The following STK3 variants were observed in gnomAD, a reference collection of about 807,000 sequenced individuals.
The protein encoded by STK3 is serine/threonine-protein kinase 3.
Under a neutral mutation model 58.0 loss-of-function variants are expected in STK3, and 41 were observed. That is an observed-to-expected ratio of 0.71 (90% CI 0.55 to 0.92). The LOEUF is 0.92. STK3 is among the 40% of genes least tolerant of loss of function. The probability of loss-of-function intolerance (pLI) is 0.00; values close to 1 mark genes in which losing one functional copy is unlikely to be tolerated. For synonymous variants in STK3, 170 were observed against 191.0 expected (o/e 0.89, Z 0.91); for missense variants, 479 against 602.7 (o/e 0.79, Z 2.15).
chr8:98,490,400 G>A (rs1227088627), intron 10 of STK3, among the ~76,000 whole-genome samples: 2 of 152,034 alleles, frequency 1.3e-5, no homozygotes, highest in Admixed American at 1.3e-4. Context: ...TATTGCATTA[G>A]ACAAAACTTT....
intron 9 of STK3, among the ~76,000 whole-genome samples, chr8:98,528,106 T>C (rs76790012): frequency 3.9e-5 from 6 of 152,184 alleles, no homozygotes; most frequent in Admixed American, 2.0e-4. Flanking sequence ...TCTCTACTTA[T>C]CATTGCAACT....
intron 4 of STK3, among the ~76,000 whole-genome samples, chr8:98,712,199 G>A (rs1269309273): frequency 1.3e-5 from 2 of 152,230 alleles, no homozygotes; most frequent in East Asian, 3.9e-4. Flanking sequence ...GTAAGACCAT[G>A]AATGCTAGGA....
chr8:98,737,764 G>C (rs1474253119), intron 4 of STK3, among the ~76,000 whole-genome samples: 1 of 152,022 alleles, frequency 6.6e-6, no homozygotes, highest in East Asian at 1.9e-4. Context: ...CTAGACTGCA[G>C]TGGCGCAATC....
At chr8:98,511,727 GAGA>G (rs1824531282) in intron 10 of STK3, among the ~76,000 whole-genome samples, 1 of 152,080 alleles carries the variant, frequency 6.6e-6, no homozygotes, top group Non-Finnish European at 1.5e-5. Flanking sequence ...AACCTGAAGA[GAGA>G]AGCTCAAGTG....
At chr8:98,411,901 C>T (rs1818061697) in intron 3 of STK3, among the ~76,000 whole-genome samples, 1 of 152,186 alleles carries the variant, frequency 6.6e-6, no homozygotes, top group African/African-American at 2.4e-5. Flanking sequence ...CACCCCACTG[C>T]CCTAGTTTAA....
At chr8:98,744,138 G>A (rs1175133843) in intron 4 of STK3, among the ~76,000 whole-genome samples, 4 of 152,200 alleles carry the variant, frequency 2.6e-5, no homozygotes, top group Non-Finnish European at 5.9e-5. Context: ...TGATGGGAAT[G>A]TAAACTAGTT....
intron 3 of STK3, among the ~76,000 whole-genome samples, chr8:98,855,740 A>G (rs1476460381): frequency 6.6e-6 from 1 of 152,188 alleles, no homozygotes; most frequent in Non-Finnish European, 1.5e-5. Flanking sequence ...GGCTGGGCAC[A>G]GTGACTCACA....
chr8:98,733,254 TC>T (rs1257749948), intron 4 of STK3, among the ~76,000 whole-genome samples: 1 of 152,180 alleles, frequency 6.6e-6, no homozygotes. Context: ...ATTCAATAAC[TC>T]CTATTCTTTC....
At chr8:98,852,154 T>G (rs78106430) in intron 3 of STK3, among the ~76,000 whole-genome samples, 2 of 151,950 alleles carry the variant, frequency 1.3e-5, no homozygotes, top group Non-Finnish European at 2.9e-5. Flanking sequence ...TTTTTTTTTT[T>G]GTAACAGAGT....
chr8:98,642,718 T>C (rs1399516161), intron 6 of STK3, among the ~76,000 whole-genome samples: 1 of 152,224 alleles, frequency 6.6e-6, no homozygotes. Context: ...TAGATAAATA[T>C]GTAAACTGAT....
chr8:98,392,068 C>T (rs1460569239), upstream of STK3, among the ~76,000 whole-genome samples: 1 of 152,102 alleles, frequency 6.6e-6, no homozygotes, highest in Non-Finnish European at 1.5e-5. Context: ...CCTCTTATCC[C>T]CCAAGAACTA....
At position 98,629,344 on chromosome 8, in the gene STK3, C is replaced by G. The variant is rs181314388; in HGVS notation, c.685-33175G>C. 3.0e-4 allele frequency among the ~76,000 whole-genome samples: 46 copies of G among 152,222 alleles called. No individual in the cohort carries two copies. The East Asian group carries it at 8.9e-3, about 29-fold the overall frequency. ...ATACATGGAACCCTAGTACAGAAAC[C>G]TTTTTTAAACCCACAATAATTGAAA... On this transcript the variant is annotated intron_variant, in intron 6 of 10. Coordinates refer to ENST00000419617, the MANE Select transcript of STK3 (RefSeq NM_006281.4).
intron 9 of STK3, among the ~76,000 whole-genome samples, chr8:98,527,131 G>T (rs1027760055): frequency 5.3e-5 from 8 of 152,098 alleles, no homozygotes; most frequent in African/African-American, 1.7e-4. Context: ...TTAGGCAAAG[G>T]TCTGGAATGT....
At chr8:98,752,755 GA>G (rs1235276355) in intron 3 of STK3, among the ~76,000 whole-genome samples, 7 of 140,342 alleles carry the variant, frequency 5.0e-5, no homozygotes, top group Admixed American at 1.4e-4. Flanking sequence ...AGATCTACAA[GA>G]AAAAAAAAAC....
chr8:98,440,084 T>C (rs993105835), intron 1 of STK3, among the ~76,000 whole-genome samples: 2 of 152,120 alleles, frequency 1.3e-5, no homozygotes, highest in African/African-American at 4.8e-5. Flanking sequence ...GCTGCCAGCA[T>C]CAAATCTGCT....
intron 6 of STK3, among the ~76,000 whole-genome samples, chr8:98,679,949 G>A (rs1469417365): frequency 1.3e-5 from 2 of 152,038 alleles, no homozygotes; most frequent in African/African-American, 2.4e-5. Context: ...GACTTGATTT[G>A]GTATAACAAA....
chr8:98,894,943 T>C (rs1374691090), intron 1 of STK3, among the ~76,000 whole-genome samples: 1 of 152,140 alleles, frequency 6.6e-6, no homozygotes, highest in Non-Finnish European at 1.5e-5. Context: ...TAGGAACTCA[T>C]TGAGTACCTT....
intron 3 of STK3, among the ~76,000 whole-genome samples, chr8:98,417,657 C>T (rs1818130227): frequency 6.6e-6 from 1 of 152,192 alleles, no homozygotes; most frequent in Admixed American, 6.5e-5. Context: ...CCCCTCAGAT[C>T]ATCCTAGCAC....
chr8:98,522,627 T>C (rs968460144), intron 10 of STK3, among the ~76,000 whole-genome samples: 1 of 152,174 alleles, frequency 6.6e-6, no homozygotes, highest in Non-Finnish European at 1.5e-5. Context: ...CACACTCTCA[T>C]ACAAGCATCA....
Sources: gnomAD v4.1 joint callset for allele counts (sites outside exome capture counted in the v4.1 genomes callset) on GRCh38, gnomAD v4.1.1 for gene constraint, MANE v1.5 for transcripts, NCBI Gene and HGNC (gene_info 2026-07-23, HGNC 2026-07-21) for gene names.